The following ZNF362 variants were observed in gnomAD, a reference collection of about 807,000 sequenced individuals.
The protein encoded by ZNF362 is rotund homolog.
A neutral mutation model predicts 42.9 loss-of-function variants in ZNF362; 11 were observed. The observed-to-expected ratio is 0.26, with a 90% CI of 0.16 to 0.42. ZNF362 has a LOEUF of 0.42. Ranked by LOEUF, ZNF362 falls within the 20% of genes least tolerant of loss-of-function variation. The pLI is 1.00. For missense variants in ZNF362, 362 were observed against 576.2 expected (o/e 0.63, Z 3.81); for synonymous variants, 255 against 257.3 (o/e 0.99, Z 0.09).
In ZNF362 at chr1:33,280,707, A is replaced by C. The variant is rs1645986956; in HGVS notation, c.683+250A>C. On this transcript the variant is annotated intron_variant, in intron 5 of 8. Coordinates refer to ENST00000539719, the MANE Select transcript of ZNF362 (RefSeq NM_152493.3). This position sits in a 1 kb window ranked among gnomAD's most constrained non-coding sequence, Gnocchi z 5.6. ...GTCTGTGGCTGGCAGCCACCCCCACAGCCTGGGGTTGTGAGAGTCGGTTTC... is the reference window on the plus strand; with the variant it reads ...GTCTGTGGCTGGCAGCCACCCCCACCGCCTGGGGTTGTGAGAGTCGGTTTC... Among the ~76,000 whole-genome samples the C allele has an allele frequency of 6.6e-6, 1 of 152,206 alleles. No homozygotes were observed. The highest frequency in any genetic ancestry group is 1.9e-4 in the East Asian group (1 of 5,188).
chr1:33,270,669 G>A, intron 2 of ZNF362, 57 bp downstream of exon 2: 2 of 1,596,242 alleles, frequency 1.3e-6, no homozygotes, highest in Non-Finnish European at 1.7e-6. Context: ...TTCTTTGGGG[G>A]ATTAAAGCAT....
chr1:33,147,724 G>A, the ZNF362 span: 26 of 1,608,370 alleles, frequency 1.6e-5, no homozygotes, highest in Non-Finnish European at 2.1e-5. The surrounding 1 kb of genome is among the most constrained non-coding windows in gnomAD (Gnocchi z 8.1). Context: ...TAGGGCGGCT[G>A]GCACTGTGGG....
the ZNF362 span, chr1:33,160,085 A>G: frequency 9.3e-7 from 1 of 1,076,610 alleles, no homozygotes; most frequent in Non-Finnish European, 1.3e-6. Context: ...TGTCACATGC[A>G]AAAGCATGGT....
rs1271457522 is a variant in ZNF362 at position 33,294,499 on chromosome 1, G to A, written c.909-438G>A. 2.6e-5 allele frequency among the ~76,000 whole-genome samples: 4 copies of A among 152,182 alleles called. No homozygotes were observed. The East Asian group carries it at 7.7e-4, about 29-fold the overall frequency. ...GTAGGGACAGGAAATAAGTGTCTGG[G>A]GCCAATTAGAGGGAGATGTCTCCTT... On this transcript the variant is annotated intron_variant, in intron 6 of 8. Transcript: ENST00000539719. The surrounding 1 kb of genome is among the most constrained non-coding windows in gnomAD (Gnocchi z 4.2).
chr1:33,198,540 G>A, the ZNF362 span, among the ~76,000 whole-genome samples: 2 of 151,986 alleles, frequency 1.3e-5, no homozygotes, highest in Non-Finnish European at 2.9e-5. Flanking sequence ...GGTGATGCAC[G>A]CCTCTAGTTT....
the ZNF362 span, among the ~76,000 whole-genome samples, chr1:33,245,462 C>G: frequency 2.0e-5 from 3 of 151,494 alleles, no homozygotes; most frequent in African/African-American, 7.3e-5. Flanking sequence ...CCACCCCCCA[C>G]CAAAAAAAGA....
chr1:33,250,930 C>T, the ZNF362 span, among the ~76,000 whole-genome samples: 1 of 144,886 alleles, frequency 6.9e-6, no homozygotes, highest in Admixed American at 7.1e-5. Context: ...TGCTTGAGAG[C>T]GTTTTTAGTT....
chr1:33,214,611 C>A, the ZNF362 span, among the ~76,000 whole-genome samples: 1 of 152,206 alleles, frequency 6.6e-6, no homozygotes, highest in East Asian at 1.9e-4. Flanking sequence ...AAGGGATTAA[C>A]AACCAGAATA....
chr1:33,155,058 A>T, the ZNF362 span, among the ~76,000 whole-genome samples: 3 of 139,824 alleles, frequency 2.1e-5, no homozygotes, highest in African/African-American at 7.8e-5. Context: ...GCGCCACTGC[A>T]CTCCAGCCTG....
At chr1:33,292,663 CCTCTGGTAGAA>C (rs1553179970) in intron 6 of ZNF362, among the ~76,000 whole-genome samples, 1 of 152,172 alleles carries the variant, frequency 6.6e-6, no homozygotes, top group Non-Finnish European at 1.5e-5. Flanking sequence ...CCTCCTTGTA[CCTCTGGTAGAA>C]CTCGGCTGTG....
At chr1:33,154,809 A>AAT in the ZNF362 span, among the ~76,000 whole-genome samples, 2 of 117,292 alleles carry the variant, frequency 1.7e-5, no homozygotes, top group Non-Finnish European at 3.5e-5. Flanking sequence ...AAAAAAAAAA[A>AAT]GTGGCCAGGC....
the ZNF362 span, among the ~76,000 whole-genome samples, chr1:33,205,141 G>T: frequency 6.6e-6 from 1 of 152,120 alleles, no homozygotes; most frequent in African/African-American, 2.4e-5. Flanking sequence ...GTTTTTGTGT[G>T]TGTGTGTGTG....
chr1:33,226,198 C>G, the ZNF362 span, among the ~76,000 whole-genome samples: 1 of 152,142 alleles, frequency 6.6e-6, no homozygotes, highest in Non-Finnish European at 1.5e-5. Flanking sequence ...TACTTCACAG[C>G]CTTGAGCTCA....
chr1:33,168,331 T>C, the ZNF362 span, among the ~76,000 whole-genome samples: 1 of 152,152 alleles, frequency 6.6e-6, no homozygotes, highest in African/African-American at 2.4e-5. Context: ...ACTGTGGGGC[T>C]GCCACACCAT....
chr1:33,241,088 C>T, the ZNF362 span, among the ~76,000 whole-genome samples: 1 of 149,946 alleles, frequency 6.7e-6, no homozygotes, highest in Non-Finnish European at 1.5e-5. Context: ...TGACAATTCC[C>T]CCGCCCCGCC....
chr1:33,231,834 G>C, the ZNF362 span, among the ~76,000 whole-genome samples: 1 of 152,148 alleles, frequency 6.6e-6, no homozygotes. Flanking sequence ...GCCCTACTAA[G>C]GCAGCTTCTA....
At chr1:33,167,551 C>G in the ZNF362 span, among the ~76,000 whole-genome samples, 2 of 152,178 alleles carry the variant, frequency 1.3e-5, no homozygotes, top group African/African-American at 4.8e-5. This position sits in a 1 kb window ranked among gnomAD's most constrained non-coding sequence, Gnocchi z 4.2. Flanking sequence ...CCTACTGCTC[C>G]CTCTCCATAT....
At chr1:33,269,483 C>T (rs1645886689) in intron 1 of ZNF362, among the ~76,000 whole-genome samples, 1 of 152,116 alleles carries the variant, frequency 6.6e-6, no homozygotes, top group Non-Finnish European at 1.5e-5. Context: ...TTGGGTCCTG[C>T]TCTCTCGCAT....
chr1:33,265,674 A>G (rs902834410), intron 1 of ZNF362, among the ~76,000 whole-genome samples: 44 of 152,038 alleles, frequency 2.9e-4, no homozygotes, highest in Non-Finnish European at 5.9e-5. Flanking sequence ...CAGGAGCCTA[A>G]AACATGAGAA....
Sources: gnomAD v4.1 joint callset for allele counts (sites outside exome capture counted in the v4.1 genomes callset) on GRCh38, gnomAD v4.1.1 for gene constraint, Gnocchi (gnomAD v3.1) non-coding constraint, MANE v1.5 for transcripts, NCBI Gene and HGNC (gene_info 2026-07-23, HGNC 2026-07-21) for gene names.